Variants in CACNA2D3 observed in about 807,000 individuals in gnomAD.
CACNA2D3 encodes the protein voltage-dependent calcium channel subunit alpha-2/delta-3.
CACNA2D3 carries 60 observed loss-of-function variants against 160.6 expected under a neutral mutation model. The ratio of observed to expected loss-of-function variants is 0.37; its 90% CI spans 0.30 to 0.46. The LOEUF is 0.46. CACNA2D3 is among the 20% of genes least tolerant of loss of function. CACNA2D3 has a pLI of 1.00. For synonymous variants in CACNA2D3, 558 were observed against 492.9 expected, an observed-to-expected ratio of 1.13 and a Z score of -1.75; for missense variants, 1,205 against 1,365.0, an observed-to-expected ratio of 0.88 and a Z score of 1.85.
At chr3:55,033,241 A>C (rs1314342852) in intron 35 of CACNA2D3, among the ~76,000 whole-genome samples, 1 of 152,152 alleles carries the variant, frequency 6.6e-6, no homozygotes, top group Non-Finnish European at 1.5e-5. Context: ...CATAGCTGAT[A>C]ATTTAAAAAC....
At chr3:54,999,691 C>A (rs1282228153) in intron 31 of CACNA2D3, among the ~76,000 whole-genome samples, 3 of 152,156 alleles carry the variant, frequency 2.0e-5, no homozygotes, top group African/African-American at 7.2e-5. Context: ...ATGTTGAGCC[C>A]CACAGTTGCT....
intron 13 of CACNA2D3, among the ~76,000 whole-genome samples, chr3:54,814,278 C>T (rs566148416): frequency 6.6e-6 from 1 of 152,224 alleles, no homozygotes; most frequent in African/African-American, 2.4e-5. Context: ...CAAGGTAAAA[C>T]CTAGCGGCCA....
At chr3:54,691,056 G>A (rs977167141) in intron 11 of CACNA2D3, among the ~76,000 whole-genome samples, 1 of 152,128 alleles carries the variant, frequency 6.6e-6, no homozygotes, top group African/African-American at 2.4e-5. Flanking sequence ...GTGTGTGTTT[G>A]AAGATGCCTT....
chr3:54,637,263 G>A (rs1420880439), intron 10 of CACNA2D3, among the ~76,000 whole-genome samples: 1 of 151,844 alleles, frequency 6.6e-6, no homozygotes, highest in Admixed American at 6.5e-5. Context: ...GGGTGATTAG[G>A]TTTTAATGAG....
chr3:54,494,814 A>G (rs146093178), intron 4 of CACNA2D3, among the ~76,000 whole-genome samples: 4 of 152,078 alleles, frequency 2.6e-5, no homozygotes, highest in African/African-American at 4.8e-5. Flanking sequence ...CCTGTCTTAC[A>G]TGGCGGCAGG....
At chr3:54,268,963 G>A (rs1702567885) in intron 2 of CACNA2D3, among the ~76,000 whole-genome samples, 3 of 152,192 alleles carry the variant, frequency 2.0e-5, no homozygotes, top group African/African-American at 7.2e-5. Context: ...GCAGTGGATG[G>A]AGAAGCCCAT....
intron 2 of CACNA2D3, among the ~76,000 whole-genome samples, chr3:54,278,063 A>G (rs775487449): frequency 2.6e-5 from 4 of 152,248 alleles, no homozygotes; most frequent in African/African-American, 4.8e-5. Flanking sequence ...GGCAACATAC[A>G]GAATGGGAGA....
chr3:54,676,260 A>G (rs1700241744), intron 11 of CACNA2D3, among the ~76,000 whole-genome samples: 1 of 152,216 alleles, frequency 6.6e-6, no homozygotes, highest in Non-Finnish European at 1.5e-5. Context: ...TGAAACTGAA[A>G]TGGCAAAGTC....
rs1699496985 is a variant in CACNA2D3, at chr3:54,122,621, G to A, written c.-93G>A. 4 of 830,864 alleles carry A rather than the reference G, an allele frequency of 4.8e-6. No homozygotes were observed. Among genetic ancestry groups the A allele is most frequent in the African/African-American group, 3.8e-5 (2 of 52,538 alleles). 51.5% of individuals were successfully genotyped at this position (830,864 alleles called of 1,614,324 possible). On this transcript the variant is annotated 5_prime_UTR_variant, in exon 1 of 38. Coordinates refer to ENST00000474759, the MANE Select transcript of CACNA2D3 (RefSeq NM_018398.3). ...GGCGGGGCGGCGCGGAGCGGAGCAG[G>A]CAGCCCCGCGCGCTCGCCCACCGCC...
chr3:54,716,749 T>C (rs1701058368), intron 11 of CACNA2D3, among the ~76,000 whole-genome samples: 1 of 152,216 alleles, frequency 6.6e-6, no homozygotes, highest in Non-Finnish European at 1.5e-5. Context: ...TTTTTCCATG[T>C]CTCAGCTTCC....
chr3:54,953,733 C>G (rs780033615), intron 27 of CACNA2D3, among the ~76,000 whole-genome samples: 1 of 152,152 alleles, frequency 6.6e-6, no homozygotes, highest in Non-Finnish European at 1.5e-5. Context: ...GGGGCAACCT[C>G]GGGCTCCTGC....
At chr3:54,536,361 G>T (rs1701889078) in intron 5 of CACNA2D3, among the ~76,000 whole-genome samples, 1 of 152,136 alleles carries the variant, frequency 6.6e-6, no homozygotes, top group African/African-American at 2.4e-5. Context: ...ACATTTTTGT[G>T]CATGTGTTTG....
chr3:54,387,243 T>C (rs570012674), intron 4 of CACNA2D3, among the ~76,000 whole-genome samples: 1 of 152,390 alleles, frequency 6.6e-6, no homozygotes, highest in South Asian at 2.1e-4. Flanking sequence ...ATTTCATTAA[T>C]TTCTTGCAGT....
intron 10 of CACNA2D3, chr3:54,638,404 G>A (rs995578782): frequency 6.6e-6 from 1 of 151,992 alleles, no homozygotes; most frequent in Non-Finnish European, 1.5e-5. Context: ...TGGGCAGGTC[G>A]GGGAGGGCTA....
chr3:54,693,232 C>G (rs1405753355), intron 11 of CACNA2D3, among the ~76,000 whole-genome samples: 1 of 152,188 alleles, frequency 6.6e-6, no homozygotes, highest in Admixed American at 6.5e-5. Flanking sequence ...AAAGGATAAT[C>G]CTTTCAGTGA....
intron 31 of CACNA2D3, among the ~76,000 whole-genome samples, chr3:54,989,297 G>A (rs1012978178): frequency 6.6e-6 from 1 of 152,332 alleles, no homozygotes; most frequent in Middle Eastern, 3.4e-3. Flanking sequence ...GAGAAAGGGT[G>A]TAATGGAATT....
chr3:54,372,289 C>G (rs568777698), intron 3 of CACNA2D3, among the ~76,000 whole-genome samples: 1 of 152,272 alleles, frequency 6.6e-6, no homozygotes, highest in South Asian at 2.1e-4. Flanking sequence ...GTTGGGTTTG[C>G]CATTTCTCTG....
chr3:54,748,012 A>G (rs1034511097), intron 11 of CACNA2D3, among the ~76,000 whole-genome samples: 5 of 152,178 alleles, frequency 3.3e-5, no homozygotes, highest in African/African-American at 9.7e-5. Context: ...TGAGGGCAGA[A>G]TTTGTTTTGT....
chr3:54,642,057 GTC>G, intron 10 of CACNA2D3, 69 bp from the exon 11 acceptor site: 3 of 939,800 alleles, frequency 3.2e-6, no homozygotes, highest in Non-Finnish European at 4.8e-6. Flanking sequence ...CAGGTCTCAT[GTC>G]TCTGATTTTT....
Sources: gnomAD v4.1 joint callset for allele counts (sites outside exome capture counted in the v4.1 genomes callset) on GRCh38, gnomAD v4.1.1 for gene constraint, MANE v1.5 for transcripts, NCBI Gene and HGNC (gene_info 2026-07-23, HGNC 2026-07-21) for gene names.